Variants in RRP12 observed in about 807,000 individuals in gnomAD.
RRP12 encodes RRP12-like protein.
A neutral mutation model predicts 157.3 loss-of-function variants in RRP12; 78 were observed. The ratio of observed to expected loss-of-function variants is 0.50; its 90% CI spans 0.41 to 0.60. The LOEUF (loss-of-function observed/expected upper bound fraction) is 0.60. Among genes scored for constraint, RRP12 ranks in the 20% least tolerant of loss-of-function variants. RRP12 has a pLI of 0.00. For synonymous variants in RRP12, 726 were observed against 670.9 expected, an observed-to-expected ratio of 1.08 and a Z score of -1.27; for missense variants, 1,521 against 1,679.9, an observed-to-expected ratio of 0.91 and a Z score of 1.65.
chr10:97,370,445 T>C lies in RRP12; in HGVS notation c.2689+10A>G, dbSNP rs1844112758. The stretch of plus-strand genomic sequence containing the variant: ...AGCAGAGTGTCCACCCCCAGCCCCC[T>C]GGGCCTCACCTTCCTGGTTCGAGCC... On this transcript the variant is annotated intron_variant, in intron 23 of 33. Coordinates refer to ENST00000370992, the MANE Select transcript of RRP12 (RefSeq NM_015179.4). The C allele has an allele frequency of 6.4e-7, 1 of 1,571,292 alleles. No individual in the cohort carries two copies. Among genetic ancestry groups the C allele is most frequent in the Non-Finnish European group, 8.7e-7 (1 of 1,152,706 alleles).
At chr10:97,366,685 T>C in intron 27 of RRP12, 57 bp downstream of exon 27, 2 of 1,599,542 alleles carry the variant, frequency 1.3e-6, no homozygotes, top group African/African-American at 1.3e-5. Flanking sequence ...GGGTATTGCC[T>C]GGGCAGGCCC....
At chr10:97,361,902 T>C (rs1589409527) in intron 30 of RRP12, among the ~76,000 whole-genome samples, 1 of 151,268 alleles carries the variant, frequency 6.6e-6, no homozygotes, top group Non-Finnish European at 1.5e-5. Flanking sequence ...AGGTCAGGAG[T>C]TCGAGACCAG....
intron 15 of RRP12, among the ~76,000 whole-genome samples, chr10:97,378,242 G>A (rs1405222313): frequency 1.3e-5 from 2 of 152,098 alleles, no homozygotes; most frequent in South Asian, 2.1e-4. Flanking sequence ...CGCTTGACAG[G>A]GTGCGTTCTG....
chr10:97,400,322 A>G lies in RRP12; in HGVS notation c.352T>C (p.Ser118Pro), dbSNP rs1564773962. 18 of 1,613,706 alleles carry G rather than the reference A, an allele frequency of 1.1e-5. No individual in the cohort carries two copies. The highest frequency in any genetic ancestry group is 1.7e-5 in the Admixed American group (1 of 59,934). ...SKVQRFWESN[S>P]AAHKEICAVL... The stretch of plus-strand genomic sequence containing the variant: ...GCCCCTACCTCCTTGTGGGCAGCCG[A>G]GTTGGACTCCCAGAAGCGCTGTACT... Residue 118 changes from serine to proline, a missense_variant, in exon 2 of 34, where the codon TCG becomes CCG. Coordinates refer to ENST00000370992, the MANE Select transcript of RRP12 (RefSeq NM_015179.4).
At position 97,357,032 on chromosome 10, in the gene RRP12, G is replaced by A; in HGVS notation, c.*62C>T. ...CTTGAGCACCTGGAGCTGGTGGCAA[G>A]GCAGCCTGGGGGCTGAAAGGGCCTC... is the stretch of plus-strand genomic sequence containing the variant. On this transcript the variant is annotated 3_prime_UTR_variant, in exon 34 of 34. Transcript: ENST00000370992. 1.1e-6 allele frequency: 1 copy of A among 948,840 alleles called. No individual in the cohort carries two copies. The allele number at this position is 948,840 out of a possible 1,614,324, so 58.8% of individuals were successfully genotyped here.
chr10:97,383,475 G>A (rs1844526156), intron 10 of RRP12, among the ~76,000 whole-genome samples: 1 of 151,282 alleles, frequency 6.6e-6, no homozygotes, highest in Non-Finnish European at 1.5e-5. Context: ...TTTGGCACAC[G>A]CCTGGGTGAC....
chr10:97,400,036 ACT>A (rs1288017778), intron 2 of RRP12, among the ~76,000 whole-genome samples: 1 of 152,156 alleles, frequency 6.6e-6, no homozygotes, highest in African/African-American at 2.4e-5. Flanking sequence ...TATTGAAAAT[ACT>A]CTGTGTAAAA....
intron 17 of RRP12, 76 bp downstream of exon 17, chr10:97,373,499 A>G: frequency 7.0e-7 from 1 of 1,435,684 alleles, no homozygotes; most frequent in Non-Finnish European, 9.3e-7. Flanking sequence ...CCTGGCAAGG[A>G]GTGTAGCAAG....
chr10:97,378,822 G>A (rs1486586916), intron 15 of RRP12, among the ~76,000 whole-genome samples: 4 of 151,990 alleles, frequency 2.6e-5, no homozygotes, highest in Non-Finnish European at 5.9e-5. Context: ...GCGCCACTGT[G>A]CTCCAGCCTG....
At chr10:97,394,998 C>A (rs1844915262) in intron 3 of RRP12, among the ~76,000 whole-genome samples, 1 of 151,884 alleles carries the variant, frequency 6.6e-6, no homozygotes, top group East Asian at 1.9e-4. Flanking sequence ...CAAAAATTAG[C>A]TGGGCATGGT....
intron 29 of RRP12, among the ~76,000 whole-genome samples, chr10:97,364,647 A>G (rs1843925746): frequency 6.6e-6 from 1 of 152,210 alleles, no homozygotes; most frequent in African/African-American, 2.4e-5. Flanking sequence ...AACTCAGGAC[A>G]TGGAGACTGC....
At chr10:97,382,437 ACCTGG>A (rs1408436447) in intron 10 of RRP12, among the ~76,000 whole-genome samples, 1 of 152,170 alleles carries the variant, frequency 6.6e-6, no homozygotes, top group Non-Finnish European at 1.5e-5. Flanking sequence ...AAGCCACTGC[ACCTGG>A]CCTGGTAGCA....
intron 2 of RRP12, 101 bp from the exon 3 acceptor site, chr10:97,396,402 C>G (rs572562658): frequency 1.1e-6 from 1 of 916,036 alleles, no homozygotes; most frequent in South Asian, 1.4e-5. Context: ...CTGGTTAAAG[C>G]CCAGAGACAG....
rs1279121358 is a variant in RRP12 at position 97,370,171 on chromosome 10, A to T, written c.2793T>A (p.Phe931Leu). The stretch of plus-strand genomic sequence containing the variant: ...TTCTAGGAAATAAGCATTTACCTTT[A>T]AACTCGAAAAGGAGGTGGGTCAGGG... Reference protein sequence around the residue: ...ILALTHLLFEFKGLMGTSTVE... With the variant: ...ILALTHLLFELKGLMGTSTVE... Residue 931 changes from phenylalanine to leucine, a missense_variant, in exon 24 of 34, where the codon TTT becomes TTA. Physicochemically the swap from Phe to Leu is conservative, Grantham distance 22. Transcript: ENST00000370992. 1 of 1,595,056 alleles carries T rather than the reference A, an allele frequency of 6.3e-7. No individual in the cohort carries two copies. Among genetic ancestry groups the T allele is most frequent in the African/African-American group, 1.3e-5 (1 of 74,792 alleles).
At chr10:97,370,322 A>G in intron 23 of RRP12, 48 bp from the exon 24 acceptor site, 1 of 1,435,306 alleles carries the variant, frequency 7.0e-7, no homozygotes, top group Non-Finnish European at 9.6e-7. Context: ...CCCACCAGGT[A>G]GGGGGGCTGA....
At chr10:97,372,890 C>T (rs1844197767) in intron 18 of RRP12, 87 bp from the exon 19 acceptor site, 1 of 1,437,530 alleles carries the variant, frequency 7.0e-7, no homozygotes, top group Non-Finnish European at 9.6e-7. Flanking sequence ...GAGCGGCCTC[C>T]CCATCAGCCC....
chr10:97,398,649 AAAAT>A (rs1845053115), intron 2 of RRP12, among the ~76,000 whole-genome samples: 2 of 151,946 alleles, frequency 1.3e-5, no homozygotes, highest in Non-Finnish European at 2.9e-5. Context: ...GTCCAGCCTG[AAAAT>A]TTAGTTTTTA....
At chr10:97,360,858 C>T (rs368006783) in intron 30 of RRP12, among the ~76,000 whole-genome samples, 1 of 152,174 alleles carries the variant, frequency 6.6e-6, no homozygotes, top group Non-Finnish European at 1.5e-5. Flanking sequence ...GGGCTGGTGG[C>T]GGCCGTTCCT....
chr10:97,366,771 C>G lies in RRP12; in HGVS notation c.3186G>C (p.Glu1062Asp). Residue 1062 changes from glutamate to aspartate, a missense_variant, in exon 27 of 34, where the codon GAG (glutamate) becomes GAC (aspartate). Physicochemically the swap from Glu to Asp is conservative, Grantham distance 45. Coordinates refer to ENST00000370992, the MANE Select transcript of RRP12 (RefSeq NM_015179.4). The stretch of plus-strand genomic sequence containing the variant: ...CACCTTTGCCCTGGGCGGGCTCCTC[C>G]TCCTCCTCCTCCTCTTCTTCCTCCT... ...AVEEEEEEEE[E>D]EEPAQGKGDS... 1 of 1,614,028 alleles carries G rather than the reference C, an allele frequency of 6.2e-7. No homozygotes were observed. Among genetic ancestry groups the G allele is most frequent in the Middle Eastern group, 1.6e-4 (1 of 6,062 alleles).
Sources: allele counts gnomAD v4.1 joint callset (sites outside exome capture counted in the v4.1 genomes callset), GRCh38; gene constraint gnomAD v4.1.1; transcripts MANE v1.5; gene names NCBI Gene and HGNC (gene_info 2026-07-23, HGNC 2026-07-21).